SMCO2: variants seen among roughly 807,000 people sequenced by gnomAD.
The protein encoded by SMCO2 is single-pass membrane and coiled-coil domain-containing protein 2.
A neutral mutation model predicts 29.5 loss-of-function variants in SMCO2; 25 were observed. That is an observed-to-expected ratio of 0.85 (90% CI 0.62 to 1.18). SMCO2 has a LOEUF of 1.18. Among genes scored for constraint, SMCO2 ranks in the 50% most tolerant of loss-of-function variants. SMCO2 has a pLI of 0.00. For missense variants in SMCO2, 348 were observed against 344.5 expected (o/e 1.01, Z -0.08); for synonymous variants, 117 against 123.3 (o/e 0.95, Z 0.34).
chr12:27,453,183 C>T, the SMCO2 span, among the ~76,000 whole-genome samples: 1 of 152,196 alleles, frequency 6.6e-6, no homozygotes, highest in Non-Finnish European at 1.5e-5. Flanking sequence ...ATAGTACCTT[C>T]TCCAGGAATT....
chr12:27,458,711 C>A, the SMCO2 span, among the ~76,000 whole-genome samples: 1 of 151,420 alleles, frequency 6.6e-6, no homozygotes, highest in African/African-American at 2.4e-5. Context: ...CATGGTGAAA[C>A]CCCCATCTCT....
the SMCO2 span, chr12:27,423,638 C>CT: frequency 1.3e-5 from 2 of 152,160 alleles, no homozygotes; most frequent in Non-Finnish European, 2.9e-5. Context: ...CTACTCTACA[C>CT]TTTTTTTAAC....
At chr12:27,485,130 C>CT (rs993251547) in intron 4 of SMCO2, among the ~76,000 whole-genome samples, 5 of 144,178 alleles carry the variant, frequency 3.5e-5, no homozygotes, top group East Asian at 2.1e-4. Flanking sequence ...ATGTTCTGGG[C>CT]TTTTTTTTTC....
At chr12:27,471,928 C>T (rs555004328) in intron 2 of SMCO2, among the ~76,000 whole-genome samples, 6 of 152,282 alleles carry the variant, frequency 3.9e-5, no homozygotes, top group East Asian at 1.9e-4. Context: ...TTCTACTTTT[C>T]GGGTTTTCCA....
chr12:27,472,820 C>T (rs377450545), exon 3 of SMCO2: 49 of 1,550,654 alleles, frequency 3.2e-5, no homozygotes, highest in South Asian at 6.0e-5. Flanking sequence ...TTAGACAGAT[C>T]GGATGATGAG....
chr12:27,481,598 T>TG (rs1949644053), intron 4 of SMCO2, among the ~76,000 whole-genome samples: 1 of 152,224 alleles, frequency 6.6e-6, no homozygotes, highest in Admixed American at 6.5e-5. Context: ...GAAGCTGTAT[T>TG]GCCTGGAAAT....
chr12:27,431,082 C>T, the SMCO2 span, among the ~76,000 whole-genome samples: 8 of 151,760 alleles, frequency 5.3e-5, no homozygotes, highest in Admixed American at 6.6e-5. Context: ...GTGGTGCGAT[C>T]TCAGCTTACT....
chr12:27,465,465 G>A (rs868820453), upstream of SMCO2, among the ~76,000 whole-genome samples: 1 of 152,194 alleles, frequency 6.6e-6, no homozygotes. Flanking sequence ...TTGTGGGAGG[G>A]CTGTTGATGG....
At chr12:27,453,421 C>A in the SMCO2 span, among the ~76,000 whole-genome samples, 2 of 152,266 alleles carry the variant, frequency 1.3e-5, no homozygotes, top group East Asian at 3.9e-4. Flanking sequence ...GGATGAAAGC[C>A]CAACTAGAGA....
At chr12:27,438,780 C>A in the SMCO2 span, among the ~76,000 whole-genome samples, 2 of 133,552 alleles carry the variant, frequency 1.5e-5, no homozygotes, top group African/African-American at 2.8e-5. Flanking sequence ...CCACCATTTC[C>A]CCCACAAAAA....
At chr12:27,493,091 C>G (rs1473083272) in intron 5 of SMCO2, among the ~76,000 whole-genome samples, 2 of 152,082 alleles carry the variant, frequency 1.3e-5, no homozygotes, top group African/African-American at 4.8e-5. Flanking sequence ...AACAGAAAAT[C>G]AATACCACAT....
chr12:27,459,557 A>G, the SMCO2 span, among the ~76,000 whole-genome samples: 1 of 152,232 alleles, frequency 6.6e-6, no homozygotes, highest in Non-Finnish European at 1.5e-5. Flanking sequence ...ACCTGTACAC[A>G]CAACCTCTGT....
exon 5 of SMCO2, chr12:27,488,505 G>A (rs967140263): frequency 5.2e-6 from 8 of 1,539,162 alleles, no homozygotes; most frequent in Non-Finnish European, 7.0e-6. Context: ...TTGAAAAGCT[G>A]GAGGACCGGG....
intron 4 of SMCO2, among the ~76,000 whole-genome samples, chr12:27,476,625 C>CT (rs1331697208): frequency 6.6e-6 from 1 of 151,976 alleles, no homozygotes; most frequent in Non-Finnish European, 1.5e-5. Flanking sequence ...CCTCCTTTGT[C>CT]TTTTTTTATA....
the SMCO2 span, among the ~76,000 whole-genome samples, chr12:27,456,012 T>C: frequency 6.6e-6 from 1 of 152,190 alleles, no homozygotes; most frequent in Non-Finnish European, 1.5e-5. Flanking sequence ...GGTTGGGAGT[T>C]TGAGACCAGC....
chr12:27,437,870 C>T, the SMCO2 span, among the ~76,000 whole-genome samples: 2 of 152,318 alleles, frequency 1.3e-5, no homozygotes, highest in South Asian at 2.1e-4. Flanking sequence ...TTTGTATCTT[C>T]AACATCTCCC....
At chr12:27,495,842 C>G in exon 7 of SMCO2, 4 of 1,511,590 alleles carry the variant, frequency 2.6e-6, no homozygotes, top group Non-Finnish European at 3.6e-6. Flanking sequence ...GTCTCCTCCC[C>G]GCAATACAGC....
intron 4 of SMCO2, among the ~76,000 whole-genome samples, chr12:27,480,588 A>G (rs1188708877): frequency 6.6e-6 from 1 of 152,138 alleles, no homozygotes; most frequent in Non-Finnish European, 1.5e-5. Flanking sequence ...GGAGGTGTCT[A>G]AGTCACAGGG....
chr12:27,488,322 C>A, intron 4 of SMCO2, 138 bp from the exon 6 acceptor site: 1 of 467,156 alleles, frequency 2.1e-6, no homozygotes, highest in Non-Finnish European at 3.6e-6. Context: ...ATTTCATTTA[C>A]TTCCCATTGC....
Sources: allele counts gnomAD v4.1 joint callset (sites outside exome capture counted in the v4.1 genomes callset), GRCh38; gene constraint gnomAD v4.1.1; transcripts MANE v1.5; gene names NCBI Gene and HGNC (gene_info 2026-07-23, HGNC 2026-07-21).